Variants in TFCP2 observed in about 807,000 individuals in gnomAD.
TFCP2 encodes the protein alpha-globin transcription factor CP2.
Under a neutral mutation model 73.4 loss-of-function variants are expected in TFCP2, and 33 were observed. That is an observed-to-expected ratio of 0.45 (90% CI 0.34 to 0.60). The LOEUF is 0.60. Among genes scored for constraint, TFCP2 ranks in the 20% least tolerant of loss-of-function variants. The probability of loss-of-function intolerance (pLI) is 0.01; values close to 1 mark genes in which losing one functional copy is unlikely to be tolerated. For synonymous variants in TFCP2, 193 were observed against 211.6 expected (o/e 0.91, Z 0.76); for missense variants, 352 against 604.0 (o/e 0.58, Z 4.37).
At chr12:51,100,645 G>A (rs1395087690) in intron 11 of TFCP2, among the ~76,000 whole-genome samples, 1 of 151,986 alleles carries the variant, frequency 6.6e-6, no homozygotes, top group Non-Finnish European at 1.5e-5. Flanking sequence ...GCAAAACCCC[G>A]CCTCTACAAA....
intron 13 of TFCP2, among the ~76,000 whole-genome samples, chr12:51,096,935 T>C (rs1020764169): frequency 3.3e-5 from 5 of 150,382 alleles, no homozygotes; most frequent in African/African-American, 9.8e-5. Flanking sequence ...AACTCATTCA[T>C]AGATATACCT....
chr12:51,095,800 C>T (rs1051498156), intron 14 of TFCP2, among the ~76,000 whole-genome samples, 189 bp downstream of exon 14: 5 of 115,006 alleles, frequency 4.3e-5, no homozygotes, highest in African/African-American at 1.3e-4. Flanking sequence ...GGCAACAGAT[C>T]GAGACTCTGT....
chr12:51,125,748 C>T (rs764961804), intron 1 of TFCP2, among the ~76,000 whole-genome samples: 16 of 152,214 alleles, frequency 1.1e-4, no homozygotes, highest in Admixed American at 4.6e-4. Context: ...ACTATATACA[C>T]TATGATCATT....
intron 8 of TFCP2, among the ~76,000 whole-genome samples, chr12:51,105,936 T>C (rs17125375): frequency 0.14 from 21,224 of 152,222 alleles, 1,948 homozygotes; most frequent in East Asian, 0.49. Context: ...CTTTTTAAAA[T>C]TGGAGTAGGC....
chr12:51,160,160 G>C (rs1033283499), intron 1 of TFCP2, among the ~76,000 whole-genome samples: 2 of 146,078 alleles, frequency 1.4e-5, no homozygotes, highest in African/African-American at 5.1e-5. Context: ...TTTTGAGACG[G>C]AGTCTCACCC....
chr12:51,122,891 C>T (rs765376711), intron 1 of TFCP2, among the ~76,000 whole-genome samples: 2 of 152,142 alleles, frequency 1.3e-5, no homozygotes, highest in Non-Finnish European at 2.9e-5. Flanking sequence ...CATTTCTAAG[C>T]CTTTACTACC....
chr12:51,139,641 G>GT (rs1941144304), intron 1 of TFCP2, among the ~76,000 whole-genome samples: 1 of 152,092 alleles, frequency 6.6e-6, no homozygotes, highest in East Asian at 1.9e-4. Context: ...GCCTCCTAAA[G>GT]TGCTGACATG....
At chr12:51,169,162 C>T (rs1037001303) in intron 1 of TFCP2, among the ~76,000 whole-genome samples, 3 of 151,942 alleles carry the variant, frequency 2.0e-5, no homozygotes, top group African/African-American at 7.3e-5. Flanking sequence ...ATTTGAAGAC[C>T]AATATCTAAT....
intron 5 of TFCP2, among the ~76,000 whole-genome samples, chr12:51,109,658 C>T (rs11169709): frequency 0.37 from 55,621 of 151,080 alleles, 13,624 homozygotes; most frequent in Non-Finnish European, 0.55. Flanking sequence ...TGAAAGTTCA[C>T]AGCAATAGTG....
intron 1 of TFCP2, among the ~76,000 whole-genome samples, chr12:51,159,005 TCCA>T (rs1282342028): frequency 0.067 from 6,946 of 104,428 alleles, 518 homozygotes; most frequent in South Asian, 0.083. Context: ...CTACTAAAAA[TCCA>T]AAAAAAAAAA....
chr12:51,162,931 T>G (rs959258489), intron 1 of TFCP2: 1 of 152,212 alleles, frequency 6.6e-6, no homozygotes, highest in Non-Finnish European at 1.5e-5. Context: ...TATACTAAAG[T>G]TGGAATGATT....
chr12:51,118,221 T>G (rs1940578370), intron 2 of TFCP2, among the ~76,000 whole-genome samples: 1 of 152,202 alleles, frequency 6.6e-6, no homozygotes, highest in African/African-American at 2.4e-5. Flanking sequence ...TAGGCCACAC[T>G]AGAAAGATCT....
intron 1 of TFCP2, among the ~76,000 whole-genome samples, chr12:51,164,129 G>A (rs1941704602): frequency 6.6e-6 from 1 of 152,128 alleles, no homozygotes; most frequent in African/African-American, 2.4e-5. Context: ...CTTGAGCCCA[G>A]CAGTTTGAGG....
chr12:51,167,832 G>A (rs567391627), intron 1 of TFCP2, among the ~76,000 whole-genome samples: 3 of 152,258 alleles, frequency 2.0e-5, no homozygotes, highest in African/African-American at 7.2e-5. Context: ...AGGCCAAGGT[G>A]GGAGGATCTC....
chr12:51,143,519 A>G (rs1163948260), intron 1 of TFCP2, among the ~76,000 whole-genome samples: 2 of 151,934 alleles, frequency 1.3e-5, no homozygotes. Context: ...GTAAGCTACT[A>G]GAATTTATAT....
intron 1 of TFCP2, among the ~76,000 whole-genome samples, chr12:51,156,288 A>G (rs1160471365): frequency 6.6e-6 from 1 of 151,982 alleles, no homozygotes; most frequent in African/African-American, 2.4e-5. Context: ...GAAACTTTCA[A>G]TCATGGCAGA....
At chr12:51,145,471 C>G (rs371809417) in intron 1 of TFCP2, among the ~76,000 whole-genome samples, 1 of 140,478 alleles carries the variant, frequency 7.1e-6, no homozygotes, top group South Asian at 2.2e-4. Context: ...GAGGCTGAGA[C>G]AGGAGAATTG....
chr12:51,161,721 C>T (rs189314911), intron 1 of TFCP2, among the ~76,000 whole-genome samples: 1 of 137,366 alleles, frequency 7.3e-6, no homozygotes, highest in East Asian at 2.1e-4. Context: ...TTTCTTCGCA[C>T]CACTGCACTC....
At chr12:51,148,699 CAA>C (rs140565414) in intron 1 of TFCP2, among the ~76,000 whole-genome samples, 8 of 100,132 alleles carry the variant, frequency 8.0e-5, no homozygotes, top group African/African-American at 7.9e-5. Context: ...GACTCTGTCT[CAA>C]AAAAAAAAAA....
Sources: allele counts gnomAD v4.1 joint callset (sites outside exome capture counted in the v4.1 genomes callset), GRCh38; gene constraint gnomAD v4.1.1; transcripts MANE v1.5; gene names NCBI Gene and HGNC (gene_info 2026-07-23, HGNC 2026-07-21).